The following TNFAIP3 variants were observed in gnomAD, a reference collection of about 807,000 sequenced individuals.
The protein encoded by TNFAIP3 is TNF alpha induced protein 3.
A neutral mutation model predicts 72.4 loss-of-function variants in TNFAIP3; 9 were observed. That is an observed-to-expected ratio of 0.12 (90% CI 0.07 to 0.22). The LOEUF is 0.22. Among genes scored for constraint, TNFAIP3 ranks in the 10% least tolerant of loss-of-function variants. The pLI is 1.00. For synonymous variants in TNFAIP3, 339 were observed against 372.6 expected, an observed-to-expected ratio of 0.91 and a Z score of 1.04; for missense variants, 833 against 1,018.7, an observed-to-expected ratio of 0.82 and a Z score of 2.48.
chr6:137,870,375 G>A (rs944097439), intron 1 of TNFAIP3, among the ~76,000 whole-genome samples: 1 of 152,008 alleles, frequency 6.6e-6, no homozygotes, highest in Non-Finnish European at 1.5e-5. Flanking sequence ...CTCCTCCCTC[G>A]ACCTCCCAAA....
chr6:137,867,198 T>A (rs867586212), upstream of TNFAIP3: 1 of 151,918 alleles, frequency 6.6e-6, no homozygotes, highest in Non-Finnish European at 1.5e-5. This position sits in a 1 kb window ranked among gnomAD's most constrained non-coding sequence, Gnocchi z 6.0. Flanking sequence ...CTTTGGAAAG[T>A]CCCGTGGAAA....
chr6:137,866,575 A>C (rs1239686933), upstream of TNFAIP3: 1 of 152,348 alleles, frequency 6.6e-6, no homozygotes, highest in African/African-American at 2.4e-5. Flanking sequence ...TCTGATTCCT[A>C]AGTTTACCTA....
chr6:137,871,286 A>G lies in TNFAIP3; in HGVS notation c.59A>G (p.Lys20Arg), dbSNP rs533720482. Reference protein sequence around the residue: ...LYLSNMRKAVKIRERTPEDIF... With the variant: ...LYLSNMRKAVRIRERTPEDIF... ...TTGAGCAATATGCGGAAAGCTGTGA[A>G]GATACGGGAGAGAACTCCAGAAGAC... The change falls in exon 2 of 9, where the codon AAG (lysine) becomes AGG (arginine). Residue 20 changes from lysine (K) to arginine (R), a missense_variant. Coordinates refer to ENST00000612899, the MANE Select transcript of TNFAIP3 (RefSeq NM_001270508.2). This position sits in a 1 kb window ranked among gnomAD's most constrained non-coding sequence, Gnocchi z 4.2. The G allele has an allele frequency of 1.9e-6, 3 of 1,614,142 alleles. No individual in the cohort carries two copies. The African/African-American group carries it at 4.0e-5, about 22-fold the overall frequency.
intron 8 of TNFAIP3, 73 bp downstream of exon 8, chr6:137,880,325 A>G (rs1582895904): frequency 6.6e-7 from 1 of 1,504,988 alleles, no homozygotes; most frequent in Admixed American, 1.7e-5. Flanking sequence ...TTCTACCGAC[A>G]GTGACAAGCA....
In TNFAIP3 at chr6:137,881,445, GAAAGA is replaced by G; in HGVS notation, c.*127_*131del. 1 of 871,750 alleles carries G rather than the reference GAAAGA, an allele frequency of 1.1e-6. No individual in the cohort carries two copies. The highest frequency in any genetic ancestry group is 1.7e-6 in the Non-Finnish European group (1 of 581,964). The allele number at this position is 871,750 out of a possible 1,614,324, so 54.0% of individuals were successfully genotyped here. A position where few individuals can be genotyped will look rare whatever the true frequency, so the allele number is the denominator to read the frequency against. On this transcript the variant is annotated 3_prime_UTR_variant, in exon 9 of 9. Coordinates refer to ENST00000612899, the MANE Select transcript of TNFAIP3 (RefSeq NM_001270508.2). This position sits in a 1 kb window ranked among gnomAD's most constrained non-coding sequence, Gnocchi z 5.0. ...GCTTAAGGGTGTCTGAGCAGGAGAG[GAAAGA>G]TAAGCTCTTCGTGGTGCCCACGATG...
chr6:137,869,564 A>C (rs1248912770), intron 1 of TNFAIP3, among the ~76,000 whole-genome samples: 2 of 152,168 alleles, frequency 1.3e-5, no homozygotes, highest in Admixed American at 1.3e-4. Context: ...CTTTCCCAGC[A>C]ATCAGATTAA....
Position 137,879,293 on chromosome 6 carries a change from G to A in TNFAIP3, c.1848G>A (p.Gly616=). 4 of 1,614,224 alleles carry A rather than the reference G, an allele frequency of 2.5e-6. No individual in the cohort carries two copies. Among genetic ancestry groups the A allele is most frequent in the Non-Finnish European group, 3.4e-6 (4 of 1,180,040 alleles). ...GAAAAGCCGGCTGCGTGTATTTTGG[G>A]ACTCCAGAAAACAAGGGCTTTTGCA... ...KCRKAGCVYF[G]TPENKGFCTL... Residue 616 remains glycine (G), a synonymous_variant, in exon 7 of 9, where the codon GGG becomes GGA. Transcript: ENST00000612899.
At position 137,874,935 on chromosome 6, in the gene TNFAIP3, C is replaced by T. The variant is rs183020993; in HGVS notation, c.386C>T (p.Thr129Met). ...DLVLRKALFS[T>M]LKETDTRNFK... ...GTACTGAGGAAGGCGCTGTTCAGCA[C>T]GCTCAAGGAAACAGACACACGCAAC... Residue 129 changes from threonine to methionine, a missense_variant, in exon 3 of 9, where the codon ACG becomes ATG. Thr to Met is a moderately conservative substitution (Grantham distance 81). Around this residue, in one of 2 missense-constraint regions of TNFAIP3, gnomAD observed 246 missense variants for 360.9 expected, o/e 0.68. Coordinates refer to ENST00000612899, the MANE Select transcript of TNFAIP3 (RefSeq NM_001270508.2). The T allele has an allele frequency of 5.0e-6, 8 of 1,614,120 alleles. No homozygotes were observed. Among genetic ancestry groups the T allele is most frequent in the African/African-American group, 2.7e-5 (2 of 74,940 alleles).
At chr6:137,877,399 G>A (rs976030838) in intron 6 of TNFAIP3, 143 bp downstream of exon 6, 5 of 620,176 alleles carry the variant, frequency 8.1e-6, no homozygotes, top group South Asian at 2.9e-5. Flanking sequence ...TCAGAGTCTT[G>A]TGCATGGTTA....
intron 2 of TNFAIP3, 89 bp from the exon 3 acceptor site, chr6:137,874,756 A>G: frequency 4.6e-6 from 6 of 1,290,718 alleles, no homozygotes; most frequent in Non-Finnish European, 6.4e-6. Context: ...CTAGAATAGC[A>G]GTAGGGCTGG....
At chr6:137,879,414 C>G in intron 7 of TNFAIP3, 63 bp downstream of exon 7, 1 of 1,522,722 alleles carries the variant, frequency 6.6e-7, no homozygotes. Context: ...TTGTTCCTGA[C>G]CTTTAAGAAA....
rs2114518500 is a variant in TNFAIP3 at position 137,881,305 on chromosome 6, C to T, written c.2359C>T (p.Gln787Ter). Residue 787 changes from glutamine (Q) to a stop codon, truncating the protein, a stop_gained, in exon 9 of 9, where the codon CAG becomes TAG. Coordinates refer to ENST00000612899, the MANE Select transcript of TNFAIP3 (RefSeq NM_001270508.2). LOFTEE classifies it high-confidence loss of function. The surrounding 1 kb of genome is among the most constrained non-coding windows in gnomAD (Gnocchi z 5.0). ...CTGCAACGAATGCTTTCAGTTCAAG[C>T]AGATGTATGGCTAACCGGAAACAGG... ...GYCNECFQFK[Q>*]MYG is the part of the protein sequence containing the mutation. 1 of 1,548,620 alleles carries T rather than the reference C, an allele frequency of 6.5e-7. No homozygotes were observed.
intron 6 of TNFAIP3, 53 bp downstream of exon 6, chr6:137,877,309 C>A (rs886141966): frequency 6.6e-7 from 1 of 1,504,170 alleles, no homozygotes; most frequent in Non-Finnish European, 8.9e-7. Context: ...TGTCTTTAAC[C>A]TCAGCCACCT....
At position 137,882,560 on chromosome 6, in the gene TNFAIP3, A is replaced by C. The variant is rs1442847565; in HGVS notation, c.*1241A>C. ...TGCTTCTCCTTATGAAACTCCAGCT[A>C]TGTAATAAAAAACTATACTCTGTGT... On this transcript the variant is annotated 3_prime_UTR_variant, in exon 9 of 9. Transcript: ENST00000612899. The C allele has an allele frequency of 3.9e-5, 9 of 232,396 alleles. 1 individual carries two copies. 14.4% of individuals were successfully genotyped at this position (232,396 alleles called of 1,614,324 possible).
rs1286087472 is a variant in TNFAIP3, at chr6:137,880,284, C to A, written c.2088+32C>A. ...CACTTGGAGGAGCTTTCCCTCCCTC[C>A]CGTGTGTTCGATGCTTTTTGCTGGA... On this transcript the variant is annotated intron_variant, in intron 8 of 8. Transcript: ENST00000612899. 3 of 1,611,046 alleles carry A rather than the reference C, an allele frequency of 1.9e-6. No homozygotes were observed. The Admixed American group carries it at 5.0e-5, about 27-fold the overall frequency.
In TNFAIP3 at chr6:137,874,828, C is replaced by G. The variant is rs769709964; in HGVS notation, c.296-17C>G. ...ATAACTTGACTTTCCTTCTCTTCTC[C>G]TCCTTTCTGTCCTCAGGTGACGGCA... is the stretch of plus-strand genomic sequence containing the variant. On this transcript the variant is annotated splice_polypyrimidine_tract_variant and intron_variant, in intron 2 of 8. Coordinates refer to ENST00000612899, the MANE Select transcript of TNFAIP3 (RefSeq NM_001270508.2). 1.1e-5 allele frequency: 16 copies of G among 1,496,932 alleles called. No homozygotes were observed. The highest frequency in any genetic ancestry group is 1.4e-5 in the Non-Finnish European group (16 of 1,115,622). 92.7% of individuals were successfully genotyped at this position (1,496,932 alleles called of 1,614,324 possible). A position where few individuals can be genotyped will look rare whatever the true frequency, so the allele number is the denominator to read the frequency against.
intron 2 of TNFAIP3, among the ~76,000 whole-genome samples, chr6:137,872,608 C>T (rs1341471590): frequency 6.6e-6 from 1 of 152,126 alleles, no homozygotes; most frequent in African/African-American, 2.4e-5. Context: ...AATTTTGATT[C>T]TGGGGGCTCT....
intron 2 of TNFAIP3, among the ~76,000 whole-genome samples, chr6:137,874,470 G>C (rs1310250650): frequency 6.6e-6 from 1 of 152,208 alleles, no homozygotes; most frequent in South Asian, 2.1e-4. Context: ...TCAAGGGATG[G>C]TAGGAAGGGA....
At chr6:137,868,651 C>T (rs1439040338) in intron 1 of TNFAIP3, among the ~76,000 whole-genome samples, 2 of 147,896 alleles carry the variant, frequency 1.4e-5, no homozygotes, top group African/African-American at 5.1e-5. Flanking sequence ...ATCCTAGTGA[C>T]AAAAGTTGAG....
Sources: allele counts gnomAD v4.1 joint callset (sites outside exome capture counted in the v4.1 genomes callset), GRCh38; gene constraint gnomAD v4.1.1; regional missense constraint gnomAD v4.1.1; non-coding constraint Gnocchi (gnomAD v3.1); transcripts MANE v1.5; gene names NCBI Gene and HGNC (gene_info 2026-07-23, HGNC 2026-07-21).